Variants in ZDHHC15 observed in about 807,000 individuals in gnomAD.
The protein encoded by ZDHHC15 is zDHHC palmitoyltransferase 15, also known as palmitoyltransferase ZDHHC15.
A neutral mutation model predicts 31.7 loss-of-function variants in ZDHHC15; 19 were observed. The ratio of observed to expected loss-of-function variants is 0.60; its 90% CI spans 0.42 to 0.88. The LOEUF (loss-of-function observed/expected upper bound fraction) is 0.88, where lower values mean the gene tolerates loss of function less well. Ranked by LOEUF, ZDHHC15 falls within the 40% of genes least tolerant of loss-of-function variation. The pLI, the probability that ZDHHC15 is intolerant of heterozygous loss-of-function variation, is 0.00. For synonymous variants in ZDHHC15, 103 were observed against 90.0 expected, an observed-to-expected ratio of 1.14 and a Z score of -0.82; for missense variants, 209 against 251.2, an observed-to-expected ratio of 0.83 and a Z score of 1.14.
At chrX:75,521,955 C>A (rs748026903) in intron 1 of ZDHHC15, among the ~76,000 whole-genome samples, 2 of 110,896 alleles carry the variant, frequency 1.8e-5, no homozygotes, top group South Asian at 7.8e-4. Context: ...ATTACGGAAA[C>A]CCTTGTGGGA....
chrX:75,446,536 G>T (rs762819597), intron 4 of ZDHHC15, among the ~76,000 whole-genome samples: 1 of 112,382 alleles, frequency 8.9e-6, no homozygotes, highest in African/African-American at 3.2e-5. Flanking sequence ...GAAAAAAAGT[G>T]TGAAGATATT....
intron 2 of ZDHHC15, among the ~76,000 whole-genome samples, chrX:75,491,492 G>T (rs1339583321): frequency 1.3e-5 from 1 of 78,689 alleles, no homozygotes; most frequent in Non-Finnish European, 2.4e-5. Flanking sequence ...GGGGGGAGGG[G>T]GAGGGATAGC....
intron 4 of ZDHHC15, among the ~76,000 whole-genome samples, chrX:75,432,385 C>G (rs1225940279): frequency 1.8e-5 from 2 of 111,795 alleles, no homozygotes; most frequent in African/African-American, 6.5e-5. Flanking sequence ...ACATTAAGCA[C>G]ATATTACTGA....
intron 10 of ZDHHC15, among the ~76,000 whole-genome samples, chrX:75,404,143 A>G: frequency 8.9e-6 from 1 of 112,045 alleles, no homozygotes; most frequent in Non-Finnish European, 1.9e-5. Context: ...TCCCTATTCA[A>G]TAAATGGTGC....
intron 4 of ZDHHC15, among the ~76,000 whole-genome samples, chrX:75,436,371 C>T (rs1164655641): frequency 9.0e-6 from 1 of 111,162 alleles, no homozygotes; most frequent in African/African-American, 3.3e-5. Context: ...TTTTCTTCTG[C>T]TGGGTTTGGG....
chrX:75,401,898 C>A (rs183436527), intron 10 of ZDHHC15, among the ~76,000 whole-genome samples: 6 of 112,097 alleles, frequency 5.4e-5, no homozygotes, highest in East Asian at 5.6e-4. Context: ...ATCTGAGAGA[C>A]CTTTACAGAA....
chrX:75,475,894 A>G (rs1281892545), intron 3 of ZDHHC15, among the ~76,000 whole-genome samples: 1 of 111,646 alleles, frequency 9.0e-6, no homozygotes, highest in East Asian at 2.8e-4. Context: ...TCTTTCAGTG[A>G]CATTTTTTAG....
chrX:75,421,269 T>C (rs1290152213), intron 9 of ZDHHC15, among the ~76,000 whole-genome samples: 1 of 96,639 alleles, frequency 1.0e-5, no homozygotes, highest in African/African-American at 3.8e-5. Context: ...ATGTTTTTAA[T>C]CACAGTGTAT....
At chrX:75,473,775 A>AC (rs2084542996) in intron 3 of ZDHHC15, among the ~76,000 whole-genome samples, 1 of 111,981 alleles carries the variant, frequency 8.9e-6, no homozygotes, top group Non-Finnish European at 1.9e-5. Flanking sequence ...TCTTTTCTTA[A>AC]AAACATATTT....
At chrX:75,485,975 G>A (rs371808483) in intron 2 of ZDHHC15, among the ~76,000 whole-genome samples, 2 of 112,000 alleles carry the variant, frequency 1.8e-5, no homozygotes, top group African/African-American at 6.5e-5. Flanking sequence ...AGACAGAACA[G>A]CATCTGGTGA....
intron 1 of ZDHHC15, among the ~76,000 whole-genome samples, chrX:75,510,509 A>T (rs981316466): frequency 1.2e-3 from 55 of 45,831 alleles, no homozygotes; most frequent in African/African-American, 1.9e-3. Flanking sequence ...ATCAGTTTAT[A>T]TTTCTTCTCT....
intron 3 of ZDHHC15, among the ~76,000 whole-genome samples, chrX:75,455,329 A>G (rs764989321): frequency 8.9e-6 from 1 of 111,960 alleles, no homozygotes; most frequent in Admixed American, 9.5e-5. Context: ...AGAAAGCTGA[A>G]ACTGGATCCC....
rs756371465 is a variant in ZDHHC15, at chrX:75,397,751, G to C, written c.968-18553C>G. Among the ~76,000 whole-genome samples the C allele has an allele frequency of 9.9e-5, 11 of 111,392 alleles. No individual in the cohort carries two copies. In the South Asian group the frequency reaches 3.1e-3, roughly 32 times the overall value. On this transcript the variant is annotated intron_variant, in intron 10 of 11. Coordinates refer to ENST00000373367, the MANE Select transcript of ZDHHC15 (RefSeq NM_144969.3). ...TCTAGGAAACAACTTGACCCACAGA[G>C]AACAAAGAAAAGCAAGAGGACAACG...
chrX:75,458,902 C>T (rs1241463617), intron 3 of ZDHHC15, among the ~76,000 whole-genome samples: 3 of 103,565 alleles, frequency 2.9e-5, no homozygotes, highest in African/African-American at 1.1e-4. Flanking sequence ...CAGGTTCTCG[C>T]ATTCGGACTG....
At chrX:75,382,633 C>T (rs189239053) in intron 10 of ZDHHC15, among the ~76,000 whole-genome samples, 59 of 111,446 alleles carry the variant, frequency 5.3e-4, no homozygotes, top group African/African-American at 1.7e-3. Flanking sequence ...AGAGAATACA[C>T]GAAGAAAGAA....
At chrX:75,494,230 C>T (rs1391564804) in intron 2 of ZDHHC15, among the ~76,000 whole-genome samples, 6 of 110,895 alleles carry the variant, frequency 5.4e-5, no homozygotes, top group East Asian at 2.8e-4. Flanking sequence ...TTACAAGGGA[C>T]GTGAAGGACC....
At position 75,372,869 on chromosome X, in the gene ZDHHC15, G is replaced by A. The variant is rs186999491; in HGVS notation, c.*109C>T. 12 of 111,551 alleles carry A rather than the reference G, an allele frequency of 1.1e-4. No individual in the cohort carries two copies. Among genetic ancestry groups the A allele is most frequent in the East Asian group, 2.8e-4 (1 of 3,545 alleles). The allele number at this position is 111,551 out of a possible 1,213,427, so 9.2% of individuals were successfully genotyped here. A position where few individuals can be genotyped will look rare whatever the true frequency, so the allele number is the denominator to read the frequency against. ...AATTTTGAAGCTTTCAATCCAACAC[G>A]GTGACTTATTTTGAAGATTACAATG... On this transcript the variant is annotated 3_prime_UTR_variant, in exon 12 of 12. Coordinates refer to ENST00000373367, the MANE Select transcript of ZDHHC15 (RefSeq NM_144969.3).
intron 3 of ZDHHC15, among the ~76,000 whole-genome samples, chrX:75,458,672 G>C (rs1313616901): frequency 9.1e-6 from 1 of 110,131 alleles, no homozygotes; most frequent in Non-Finnish European, 1.9e-5. Context: ...GGGCATTTTT[G>C]GCTATTACAA....
At chrX:75,437,974 GA>G (rs2147877884) in intron 4 of ZDHHC15, among the ~76,000 whole-genome samples, 1 of 111,055 alleles carries the variant, frequency 9.0e-6, no homozygotes, top group South Asian at 3.9e-4. Flanking sequence ...CAAAGGACAT[GA>G]ACAGACACTT....
Sources: allele counts gnomAD v4.1 joint callset (sites outside exome capture counted in the v4.1 genomes callset), GRCh38; gene constraint gnomAD v4.1.1; transcripts MANE v1.5; gene names NCBI Gene and HGNC (gene_info 2026-07-23, HGNC 2026-07-21).